GRM8: variants seen among roughly 807,000 people sequenced by gnomAD.
GRM8 encodes the protein glutamate metabotropic receptor 8, also known as metabotropic glutamate receptor 8.
A neutral mutation model predicts 87.2 loss-of-function variants in GRM8; 47 were observed. The observed-to-expected ratio is 0.54, with a 90% confidence interval of 0.43 to 0.69. GRM8 has a LOEUF of 0.69. Ranked by LOEUF, GRM8 falls within the 30% of genes least tolerant of loss-of-function variation. GRM8 has a pLI of 0.00. For missense variants in GRM8, 1,019 were observed against 1,139.2 expected (o/e 0.89, Z 1.52); for synonymous variants, 396 against 404.5 (o/e 0.98, Z 0.25).
At chr7:126,724,766 A>T (rs1812782382) in intron 7 of GRM8, among the ~76,000 whole-genome samples, 3 of 152,176 alleles carry the variant, frequency 2.0e-5, no homozygotes, top group Admixed American at 2.0e-4. Context: ...TTGCAAAAAA[A>T]AAAAAAAATT....
At chr7:126,894,646 A>T (rs904368345) in intron 6 of GRM8, among the ~76,000 whole-genome samples, 3 of 152,052 alleles carry the variant, frequency 2.0e-5, no homozygotes, top group African/African-American at 7.2e-5. Flanking sequence ...GTTCACAAAG[A>T]GGGAATACTT....
At chr7:126,749,765 T>C (rs1816194071) in intron 7 of GRM8, among the ~76,000 whole-genome samples, 1 of 151,936 alleles carries the variant, frequency 6.6e-6, no homozygotes, top group Non-Finnish European at 1.5e-5. Flanking sequence ...GAAAGGCAAA[T>C]TAGAGCCACA....
At chr7:127,004,040 C>T (rs1814011626) in intron 3 of GRM8, among the ~76,000 whole-genome samples, 1 of 151,536 alleles carries the variant, frequency 6.6e-6, no homozygotes, top group South Asian at 2.1e-4. Flanking sequence ...TTTTTAAGGA[C>T]TTTATAAACA....
At chr7:127,067,124 C>T (rs1821190607) in intron 3 of GRM8, among the ~76,000 whole-genome samples, 1 of 152,196 alleles carries the variant, frequency 6.6e-6, no homozygotes, top group Admixed American at 6.5e-5. Context: ...TTCCACACAG[C>T]ACCAACAGCC....
rs1349115773 is a variant in GRM8, at chr7:126,890,606, G to A, written c.1156+11936C>T. ...CTCAAACTACTGCCTCCCACCCCCT[G>A]AGAGAGAATAATCTTCCTCCTTTCA... On this transcript the variant is annotated intron_variant, in intron 6 of 10. Coordinates refer to ENST00000339582, the MANE Select transcript of GRM8 (RefSeq NM_000845.3). Among the ~76,000 whole-genome samples the A allele has an allele frequency of 2.6e-5, 4 of 151,940 alleles. No individual in the cohort carries two copies. The East Asian group carries it at 7.7e-4, about 29-fold the overall frequency.
intron 3 of GRM8, among the ~76,000 whole-genome samples, chr7:127,082,385 C>T (rs879851933): frequency 3.3e-5 from 5 of 151,976 alleles, no homozygotes; most frequent in Admixed American, 1.3e-4. Context: ...AAACCTGAGT[C>T]CCTGGTGCTA....
At chr7:127,250,091 C>A (rs938122899) in intron 1 of GRM8, among the ~76,000 whole-genome samples, 2 of 152,238 alleles carry the variant, frequency 1.3e-5, no homozygotes, top group Admixed American at 1.3e-4. Flanking sequence ...GTGTGCTGTA[C>A]ATCGTGCCCT....
intron 6 of GRM8, among the ~76,000 whole-genome samples, chr7:126,821,911 T>C (rs1794334244): frequency 6.6e-6 from 1 of 152,228 alleles, no homozygotes; most frequent in Admixed American, 6.5e-5. Context: ...TAGTCTCCTA[T>C]AATCCATAGC....
chr7:126,658,913 G>T (rs970944697), intron 7 of GRM8, among the ~76,000 whole-genome samples: 4 of 151,950 alleles, frequency 2.6e-5, no homozygotes, highest in Non-Finnish European at 5.9e-5. Flanking sequence ...GGAGGATGCC[G>T]TAAAGAGTCA....
chr7:126,655,748 G>A (rs1804451784), intron 7 of GRM8, among the ~76,000 whole-genome samples: 1 of 152,038 alleles, frequency 6.6e-6, no homozygotes, highest in Non-Finnish European at 1.5e-5. Context: ...AAAATAGCTG[G>A]TCCAAATCTA....
At chr7:127,150,762 A>G (rs1332582498) in intron 2 of GRM8, among the ~76,000 whole-genome samples, 1 of 152,034 alleles carries the variant, frequency 6.6e-6, no homozygotes, top group Non-Finnish European at 1.5e-5. Flanking sequence ...CAAGGAGAGT[A>G]GAGTCTGTAT....
intron 9 of GRM8, among the ~76,000 whole-genome samples, chr7:126,524,322 A>T (rs1195377749): frequency 6.6e-6 from 1 of 152,128 alleles, no homozygotes; most frequent in African/African-American, 2.4e-5. Flanking sequence ...ACATTGATTG[A>T]TAGTTTGGTT....
intron 2 of GRM8, among the ~76,000 whole-genome samples, chr7:127,237,436 C>CA (rs1464009301): frequency 1.3e-5 from 2 of 152,066 alleles, no homozygotes; most frequent in Non-Finnish European, 2.9e-5. Context: ...ATAAATAACT[C>CA]AAAAAAATGC....
intron 8 of GRM8, among the ~76,000 whole-genome samples, chr7:126,569,324 T>G (rs1020076594): frequency 5.3e-5 from 8 of 152,246 alleles, no homozygotes; most frequent in African/African-American, 1.9e-4. Flanking sequence ...CACATAACTA[T>G]TGTTTGCACA....
intron 3 of GRM8, among the ~76,000 whole-genome samples, chr7:127,085,748 G>A (rs1003697171): frequency 1.4e-4 from 21 of 152,178 alleles, no homozygotes; most frequent in African/African-American, 4.6e-4. Context: ...TCTCCTATTC[G>A]CAGGTTGCCT....
chr7:127,138,297 C>T (rs1828055988), intron 2 of GRM8, among the ~76,000 whole-genome samples: 1 of 152,018 alleles, frequency 6.6e-6, no homozygotes, highest in Non-Finnish European at 1.5e-5. Context: ...GGCCAGTATA[C>T]CCAGAGGCTC....
chr7:127,142,703 G>T, intron 2 of GRM8, among the ~76,000 whole-genome samples: 1 of 152,074 alleles, frequency 6.6e-6, no homozygotes, highest in East Asian at 1.9e-4. Context: ...GGATGGATTG[G>T]ATGGATGGAT....
chr7:126,561,311 A>G (rs933777604), intron 8 of GRM8, among the ~76,000 whole-genome samples: 16 of 152,062 alleles, frequency 1.1e-4, no homozygotes, highest in Admixed American at 7.2e-4. Flanking sequence ...TCTCCACTAA[A>G]AATATAAAAA....
chr7:126,456,626 A>G (rs191155779), intron 9 of GRM8, among the ~76,000 whole-genome samples: 2 of 151,194 alleles, frequency 1.3e-5, no homozygotes, highest in African/African-American at 4.8e-5. Flanking sequence ...AAAATATCAG[A>G]CATTTAGCCA....
Sources: gnomAD v4.1 joint callset for allele counts (sites outside exome capture counted in the v4.1 genomes callset) on GRCh38, gnomAD v4.1.1 for gene constraint, MANE v1.5 for transcripts, NCBI Gene and HGNC (gene_info 2026-07-23, HGNC 2026-07-21) for gene names.